Variants in GADL1 observed in about 807,000 individuals in gnomAD.
GADL1 encodes the protein acidic amino acid decarboxylase GADL1.
In GADL1, 71 loss-of-function variants were observed where a neutral mutation model predicts 69.5. The observed-to-expected ratio is 1.02, with a 90% CI of 0.84 to 1.25. The LOEUF (loss-of-function observed/expected upper bound fraction) is 1.25, where lower values mean the gene tolerates loss of function less well. Ranked by LOEUF, GADL1 falls within the 50% of genes most tolerant of loss-of-function variation. The pLI, the probability that GADL1 is intolerant of heterozygous loss-of-function variation, is 0.00. For synonymous variants in GADL1, 254 were observed against 214.4 expected (o/e 1.18, Z -1.62); for missense variants, 737 against 631.8 (o/e 1.17, Z -1.79).
chr3:30,790,183 T>C (rs1696885915), intron 12 of GADL1, among the ~76,000 whole-genome samples: 3 of 152,178 alleles, frequency 2.0e-5, no homozygotes, highest in Non-Finnish European at 1.5e-5. Flanking sequence ...TGGCCTAATT[T>C]TGATATTGCT....
intron 14 of GADL1, among the ~76,000 whole-genome samples, chr3:30,749,305 A>G (rs1019248628): frequency 6.6e-6 from 1 of 152,216 alleles, no homozygotes; most frequent in Non-Finnish European, 1.5e-5. Flanking sequence ...TGAAAGCCTC[A>G]ATCATAGGCC....
At chr3:30,762,790 T>C (rs897233001) in intron 14 of GADL1, among the ~76,000 whole-genome samples, 1 of 152,178 alleles carries the variant, frequency 6.6e-6, no homozygotes, top group African/African-American at 2.4e-5. Context: ...CTTTCTAGTC[T>C]CAATTGTTTT....
intron 1 of GADL1, among the ~76,000 whole-genome samples, chr3:30,887,624 T>A (rs2125547164): frequency 6.6e-6 from 1 of 152,232 alleles, no homozygotes; most frequent in East Asian, 1.9e-4. Context: ...TATGAATTAT[T>A]TTGTTATAAG....
At chr3:30,853,869 A>G (rs1354257918) in intron 4 of GADL1, among the ~76,000 whole-genome samples, 1 of 151,844 alleles carries the variant, frequency 6.6e-6, no homozygotes, top group Non-Finnish European at 1.5e-5. Context: ...CCTCCAACCT[A>G]TTTATATTTT....
At position 30,843,503 on chromosome 3, in the gene GADL1, G is replaced by T. The variant is rs149790965; in HGVS notation, c.786+707C>A. ...GATCTCCTGACCTCATAATCTGCCCGCCTCAGCCTCCCAAAGTGCTGGGAT... is the reference window on the plus strand; with the variant it reads ...GATCTCCTGACCTCATAATCTGCCCTCCTCAGCCTCCCAAAGTGCTGGGAT... On this transcript the variant is annotated intron_variant, in intron 8 of 14. Transcript: ENST00000282538. Among the ~76,000 whole-genome samples the T allele has an allele frequency of 3.4e-4, 51 of 152,150 alleles. No homozygotes were observed. In the East Asian group the frequency reaches 9.3e-3, roughly 28 times the overall value.
chr3:30,833,369 A>T (rs1697822069), intron 11 of GADL1, among the ~76,000 whole-genome samples: 1 of 152,088 alleles, frequency 6.6e-6, no homozygotes, highest in Non-Finnish European at 1.5e-5. Flanking sequence ...CAATCCCCTA[A>T]TAAATTAGTG....
chr3:30,892,566 C>T (rs1254046655), intron 1 of GADL1, among the ~76,000 whole-genome samples: 3 of 152,150 alleles, frequency 2.0e-5, no homozygotes, highest in Non-Finnish European at 4.4e-5. Flanking sequence ...ATTCAGCTAC[C>T]AAAGCCACCA....
intron 11 of GADL1, among the ~76,000 whole-genome samples, chr3:30,805,337 G>T (rs1185120437): frequency 1.3e-5 from 2 of 152,182 alleles, no homozygotes; most frequent in African/African-American, 4.8e-5. Context: ...TCAACAGTGG[G>T]CACTTAAATA....
intron 1 of GADL1, among the ~76,000 whole-genome samples, chr3:30,889,511 A>G (rs1031618975): frequency 6.6e-6 from 1 of 152,218 alleles, no homozygotes; most frequent in Non-Finnish European, 1.5e-5. Context: ...AACAAAGCAA[A>G]AGCCAAAAGC....
chr3:30,730,500 A>ATT lies in GADL1; in HGVS notation c.1393-2086_1393-2085insAA, dbSNP rs140069871. The stretch of plus-strand genomic sequence containing the variant: ...CTTCACCTGAAGAAACCCGAGCTGC[A>ATT]TAAGACAGATGATTCCTGAAGAATG... On this transcript the variant is annotated intron_variant, in intron 14 of 14. Transcript: ENST00000282538. Among the ~76,000 whole-genome samples the ATT allele has an allele frequency of 7.2e-3, 1,097 of 152,290 alleles. 13 individuals are homozygous for ATT. Among genetic ancestry groups the ATT allele is most frequent in the African/African-American group, 0.025 (1,052 of 41,572 alleles).
At chr3:30,800,625 T>G in intron 12 of GADL1, 1 of 466,362 alleles carries the variant, frequency 2.1e-6, no homozygotes, top group Non-Finnish European at 3.9e-6. Context: ...GGGTCATTTG[T>G]GCATCTCAGT....
rs979231907 is a variant in GADL1 at position 30,778,333 on chromosome 3, T to A, written c.1303-65A>T. The A allele has an allele frequency of 8.8e-6, 9 of 1,016,980 alleles. No individual in the cohort carries two copies. The South Asian group carries it at 1.2e-4, about 14-fold the overall frequency. The allele number at this position is 1,016,980 out of a possible 1,614,324, so 63.0% of individuals were successfully genotyped here. On this transcript the variant is annotated intron_variant, in intron 13 of 14. Transcript: ENST00000282538. ...TTATCTTAGAATGCAATGAAATACT[T>A]TTAAAACTCTTAGCTAGTTTCTTCA...
chr3:30,742,709 A>T (rs890997907), intron 14 of GADL1, among the ~76,000 whole-genome samples: 1 of 152,130 alleles, frequency 6.6e-6, no homozygotes, highest in African/African-American at 2.4e-5. Flanking sequence ...AAGGTATTTC[A>T]TGTTTAATAT....
intron 14 of GADL1, among the ~76,000 whole-genome samples, chr3:30,761,919 A>G (rs987528268): frequency 6.6e-6 from 1 of 152,148 alleles, no homozygotes; most frequent in African/African-American, 2.4e-5. Context: ...ATGCATGTGT[A>G]TATGTATTAT....
chr3:30,809,703 T>C (rs1697317822), intron 11 of GADL1, among the ~76,000 whole-genome samples: 2 of 152,176 alleles, frequency 1.3e-5, no homozygotes, highest in South Asian at 2.1e-4. Flanking sequence ...GATACTTGTT[T>C]TAATAGTTTA....
At chr3:30,876,732 T>C (rs1389900) in intron 1 of GADL1, among the ~76,000 whole-genome samples, 38,862 of 151,756 alleles carry the variant, frequency 0.26, 6,201 homozygotes, top group East Asian at 0.5. Flanking sequence ...AAAATAAATA[T>C]CCATAGCTCA....
At chr3:30,818,520 C>T (rs72849857) in intron 11 of GADL1, among the ~76,000 whole-genome samples, 14,421 of 151,942 alleles carry the variant, frequency 0.095, 1,577 homozygotes, top group East Asian at 0.25. Context: ...TTCTGCCTCC[C>T]CTTGTTCTCT....
chr3:30,753,078 C>T (rs1321572481), intron 14 of GADL1, among the ~76,000 whole-genome samples: 4 of 152,152 alleles, frequency 2.6e-5, no homozygotes, highest in Admixed American at 1.3e-4. Flanking sequence ...AAAATGCTGT[C>T]ACTGCCAATA....
At chr3:30,742,292 T>A (rs1195167320) in intron 14 of GADL1, among the ~76,000 whole-genome samples, 3 of 152,092 alleles carry the variant, frequency 2.0e-5, no homozygotes, top group Non-Finnish European at 2.9e-5. Flanking sequence ...GTTTTTTTTT[T>A]TGGCCTTAAA....
Sources: allele counts gnomAD v4.1 joint callset (sites outside exome capture counted in the v4.1 genomes callset), GRCh38; gene constraint gnomAD v4.1.1; transcripts MANE v1.5; gene names NCBI Gene and HGNC (gene_info 2026-07-23, HGNC 2026-07-21).